DAB1: variants seen among roughly 807,000 people sequenced by gnomAD.
DAB1 encodes disabled homolog 1.
In DAB1, 15 loss-of-function variants were observed where a neutral mutation model predicts 64.6. The ratio of observed to expected loss-of-function variants is 0.23; its 90% CI spans 0.16 to 0.36. DAB1 has a LOEUF of 0.36. Among genes scored for constraint, DAB1 ranks in the 10% least tolerant of loss-of-function variants. DAB1 has a pLI of 1.00. For synonymous variants in DAB1, 235 were observed against 251.9 expected, an observed-to-expected ratio of 0.93 and a Z score of 0.64; for missense variants, 596 against 706.7, an observed-to-expected ratio of 0.84 and a Z score of 1.78.
At chr1:57,468,584 G>T (rs1687033751) in intron 7 of DAB1, among the ~76,000 whole-genome samples, 1 of 152,038 alleles carries the variant, frequency 6.6e-6, no homozygotes, top group Non-Finnish European at 1.5e-5. Context: ...AGACAGGGTT[G>T]GTATGGCAGA....
Position 57,277,813 on chromosome 1 carries a change from A to G in DAB1, c.67+13151T>C, listed in dbSNP as rs184198142. Among the ~76,000 whole-genome samples, 15 of 152,290 alleles carry G rather than the reference A, an allele frequency of 9.8e-5. No individual in the cohort carries two copies. The East Asian group carries it at 2.5e-3, about 25-fold the overall frequency. On this transcript the variant is annotated intron_variant, in intron 2 of 14. Transcript: ENST00000371236. Reference sequence around the variant, plus strand: ...TCCAACAGTCCCGTACATCATCCTGAAATACATGATAAGATTCAGGTCTGC... The same window carrying G: ...TCCAACAGTCCCGTACATCATCCTGGAATACATGATAAGATTCAGGTCTGC...
chr1:58,044,637 T>A lies in DAB1; in HGVS notation n.387+105874A>T, dbSNP rs187900273. 3.8e-4 allele frequency among the ~76,000 whole-genome samples: 58 copies of A among 152,288 alleles called. 1 individual carries two copies. In the East Asian group the frequency reaches 6.9e-3, roughly 18 times the overall value. ...TTGAATTCATAATTTCACTATAGCA[T>A]AGTGGTTAAGGTTACAAAGGTTGTC... is the stretch of plus-strand genomic sequence containing the variant. On this transcript the variant is annotated intron_variant and non_coding_transcript_variant, in intron 5 of 20. Transcript: ENST00000485760.
intron 6 of DAB1, among the ~76,000 whole-genome samples, chr1:57,766,390 G>A (rs1392880755): frequency 4.0e-5 from 6 of 151,838 alleles, no homozygotes; most frequent in African/African-American, 1.2e-4. Flanking sequence ...CACCAAAGTC[G>A]CCACTAACTC....
chr1:57,668,663 A>G (rs151209770), intron 6 of DAB1, among the ~76,000 whole-genome samples: 55 of 152,212 alleles, frequency 3.6e-4, no homozygotes, highest in Middle Eastern at 3.4e-3. Flanking sequence ...ACATCATATA[A>G]CATTGCCTCT....
chr1:58,005,354 G>A (rs1428280335), intron 5 of DAB1, among the ~76,000 whole-genome samples: 3 of 152,128 alleles, frequency 2.0e-5, no homozygotes, highest in African/African-American at 7.2e-5. Flanking sequence ...ATTTGAGACT[G>A]GGAGCAGAGG....
At chr1:58,055,496 A>G (rs1380091489) in intron 5 of DAB1, among the ~76,000 whole-genome samples, 1 of 151,548 alleles carries the variant, frequency 6.6e-6, no homozygotes, top group Admixed American at 6.6e-5. Context: ...GCACTTAATC[A>G]TCTTCTGACA....
intron 6 of DAB1, among the ~76,000 whole-genome samples, chr1:57,684,599 A>G (rs1199102586): frequency 6.6e-6 from 1 of 152,240 alleles, no homozygotes; most frequent in East Asian, 1.9e-4. Context: ...TCAGTCACAC[A>G]AGAGCAAAAA....
intron 3 of DAB1, among the ~76,000 whole-genome samples, chr1:58,349,981 G>A (rs1644036473): frequency 6.6e-6 from 1 of 152,140 alleles, no homozygotes; most frequent in South Asian, 2.1e-4. Context: ...CCAGTAATGG[G>A]ATTGCTGGGT....
At chr1:57,837,649 T>C (rs1018898939) in intron 1 of DAB1, among the ~76,000 whole-genome samples, 2 of 152,162 alleles carry the variant, frequency 1.3e-5, no homozygotes, top group Non-Finnish European at 2.9e-5. Flanking sequence ...CCTCATTATC[T>C]GGATATCTGC....
rs539691785 is a variant in DAB1, at chr1:57,158,107, T to C, written c.68-12678A>G. ...ATGCAAAACATTGTGGTTACCTGTA[T>C]TCCTCTGTAGAATAGTTACTAGGAC... On this transcript the variant is annotated intron_variant, in intron 2 of 14. Coordinates refer to ENST00000371236, the MANE Select transcript of DAB1 (RefSeq NM_001365792.1). 1.5e-4 allele frequency among the ~76,000 whole-genome samples: 23 copies of C among 152,334 alleles called. No individual in the cohort carries two copies. The South Asian group carries it at 2.1e-3, about 14-fold the overall frequency.
At chr1:57,967,798 C>T (rs1032809725) in intron 5 of DAB1, among the ~76,000 whole-genome samples, 1 of 152,088 alleles carries the variant, frequency 6.6e-6, no homozygotes, top group Non-Finnish European at 1.5e-5. Flanking sequence ...AGTAAGTGTT[C>T]AATAAATGAC....
chr1:57,255,130 G>T (rs1669667891), intron 2 of DAB1, among the ~76,000 whole-genome samples: 1 of 152,132 alleles, frequency 6.6e-6, no homozygotes, highest in Non-Finnish European at 1.5e-5. Context: ...TGAATGAATG[G>T]TTTTCCCTCT....
intron 5 of DAB1, among the ~76,000 whole-genome samples, chr1:58,071,363 G>GGT (rs548977353): frequency 0.051 from 6,929 of 135,682 alleles, 157 homozygotes; most frequent in Non-Finnish European, 0.062. Flanking sequence ...AAAGGAGAAT[G>GGT]GTGTGTGTGT....
At chr1:57,317,152 G>A (rs571171090) in intron 1 of DAB1, among the ~76,000 whole-genome samples, 14 of 152,198 alleles carry the variant, frequency 9.2e-5, no homozygotes, top group East Asian at 3.9e-4. Flanking sequence ...GGAAGCCTCC[G>A]GCAAACAGCC....
At chr1:58,308,385 G>A (rs749062661) in intron 4 of DAB1, among the ~76,000 whole-genome samples, 1 of 151,996 alleles carries the variant, frequency 6.6e-6, no homozygotes, top group Non-Finnish European at 1.5e-5. Flanking sequence ...TATGGGGTTG[G>A]GGGGAGTGAT....
intron 2 of DAB1, among the ~76,000 whole-genome samples, chr1:58,516,954 G>A (rs942897625): frequency 1.3e-5 from 2 of 152,148 alleles, no homozygotes; most frequent in African/African-American, 4.8e-5. Flanking sequence ...CTAGGAAGGA[G>A]AGAATTAGGA....
intron 4 of DAB1, among the ~76,000 whole-genome samples, chr1:58,202,514 C>G (rs988741729): frequency 1.3e-5 from 2 of 152,202 alleles, no homozygotes; most frequent in Admixed American, 6.5e-5. Flanking sequence ...CTTTGACTAA[C>G]AGAGCACAGC....
intron 4 of DAB1, among the ~76,000 whole-genome samples, chr1:58,295,888 C>T (rs1025258830): frequency 3.3e-5 from 5 of 151,458 alleles, no homozygotes; most frequent in Admixed American, 2.6e-4. Context: ...GTCAGGGGGT[C>T]GAGACCAGCC....
At chr1:58,251,974 G>T (rs1660812223) in intron 4 of DAB1, among the ~76,000 whole-genome samples, 1 of 152,128 alleles carries the variant, frequency 6.6e-6, no homozygotes, top group African/African-American at 2.4e-5. Flanking sequence ...AGGAAAAAAA[G>T]GCCACTGGAC....
Sources: allele counts gnomAD v4.1 joint callset (sites outside exome capture counted in the v4.1 genomes callset), GRCh38; gene constraint gnomAD v4.1.1; transcripts MANE v1.5; gene names NCBI Gene and HGNC (gene_info 2026-07-23, HGNC 2026-07-21).